TBC1D32: variants seen among roughly 807,000 people sequenced by gnomAD.
The protein encoded by TBC1D32 is protein broad-minded.
A neutral mutation model predicts 170.3 loss-of-function variants in TBC1D32; 151 were observed. The observed-to-expected ratio is 0.89, with a 90% CI of 0.78 to 1.01. The LOEUF (loss-of-function observed/expected upper bound fraction) is 1.01. TBC1D32 is among the 50% of genes least tolerant of loss of function. The pLI is 0.00. For synonymous variants in TBC1D32, 498 were observed against 488.0 expected (o/e 1.02, Z -0.27); for missense variants, 1,464 against 1,457.1 (o/e 1.00, Z -0.08).
chr6:121,296,221 C>T (rs1805619749), intron 10 of TBC1D32, among the ~76,000 whole-genome samples: 1 of 152,132 alleles, frequency 6.6e-6, no homozygotes, highest in South Asian at 2.1e-4. Context: ...CCATACTTCA[C>T]TCAATGAACT....
chr6:121,248,576 A>C (rs1244743158), intron 17 of TBC1D32, among the ~76,000 whole-genome samples: 3 of 152,044 alleles, frequency 2.0e-5, no homozygotes, highest in Non-Finnish European at 4.4e-5. Flanking sequence ...ATTAACCAAG[A>C]AAAAAGCAGA....
intron 24 of TBC1D32, among the ~76,000 whole-genome samples, chr6:121,142,967 T>C (rs1782986369): frequency 6.6e-6 from 1 of 152,184 alleles, no homozygotes; most frequent in South Asian, 2.1e-4. Context: ...ATAGTATGAC[T>C]ATTCTTTTCC....
chr6:121,316,708 CCAATGTA>C (rs371161946), intron 3 of TBC1D32, among the ~76,000 whole-genome samples: 26 of 152,282 alleles, frequency 1.7e-4, no homozygotes, highest in African/African-American at 6.0e-4. Context: ...CCCAACTTGA[CCAATGTA>C]CATATTTGTT....
At chr6:121,111,876 A>C (rs1033115370) in intron 29 of TBC1D32, among the ~76,000 whole-genome samples, 1 of 152,138 alleles carries the variant, frequency 6.6e-6, no homozygotes. Context: ...AGGTTTGAGA[A>C]ACATTAGCAT....
At chr6:121,236,271 A>G (rs1231115715) in intron 20 of TBC1D32, among the ~76,000 whole-genome samples, 1 of 152,012 alleles carries the variant, frequency 6.6e-6, no homozygotes, top group Non-Finnish European at 1.5e-5. Flanking sequence ...ACAATATGGT[A>G]ACCACTAGCT....
At chr6:121,282,811 C>A (rs1390432478) in intron 13 of TBC1D32, among the ~76,000 whole-genome samples, 1 of 151,716 alleles carries the variant, frequency 6.6e-6, no homozygotes, top group African/African-American at 2.4e-5. Flanking sequence ...TGATTTTAAT[C>A]ATAAAAGATG....
intron 24 of TBC1D32, among the ~76,000 whole-genome samples, chr6:121,138,156 C>T (rs188915972): frequency 2.0e-5 from 3 of 152,224 alleles, no homozygotes; most frequent in Non-Finnish European, 4.4e-5. Context: ...AGAATTTATA[C>T]ATCATTCCAT....
chr6:121,296,128 C>T (rs953488274), intron 10 of TBC1D32, among the ~76,000 whole-genome samples: 6 of 152,090 alleles, frequency 3.9e-5, no homozygotes, highest in African/African-American at 1.4e-4. Context: ...TAAGTTGCCA[C>T]AATTCAATGC....
intron 17 of TBC1D32, among the ~76,000 whole-genome samples, chr6:121,243,043 T>C (rs1233337568): frequency 6.6e-6 from 1 of 151,738 alleles, no homozygotes; most frequent in Non-Finnish European, 1.5e-5. Context: ...AACCACTTTT[T>C]AAAAAATGGA....
intron 24 of TBC1D32, among the ~76,000 whole-genome samples, chr6:121,136,327 G>A (rs2128221637): frequency 6.6e-6 from 1 of 152,282 alleles, no homozygotes; most frequent in South Asian, 2.1e-4. Flanking sequence ...TGTATCCTAT[G>A]TAATTCTATT....
intron 24 of TBC1D32, among the ~76,000 whole-genome samples, chr6:121,140,616 C>T (rs1782670274): frequency 6.6e-6 from 1 of 151,852 alleles, no homozygotes; most frequent in African/African-American, 2.4e-5. Flanking sequence ...AGAAGGTAGT[C>T]AAGTAAGATA....
chr6:121,194,460 T>A (rs1161017783), intron 22 of TBC1D32, among the ~76,000 whole-genome samples: 2 of 152,228 alleles, frequency 1.3e-5, no homozygotes, highest in Non-Finnish European at 2.9e-5. Flanking sequence ...ATTCCCACCA[T>A]ATCCCCATTC....
At chr6:121,328,422 A>G (rs1359951356) in intron 1 of TBC1D32, among the ~76,000 whole-genome samples, 1 of 150,436 alleles carries the variant, frequency 6.6e-6, no homozygotes, top group Non-Finnish European at 1.5e-5. Context: ...AGTAGCGACG[A>G]CTACAGATGC....
intron 24 of TBC1D32, among the ~76,000 whole-genome samples, chr6:121,135,252 T>C (rs940928318): frequency 2.0e-5 from 3 of 152,120 alleles, no homozygotes; most frequent in Admixed American, 6.6e-5. Flanking sequence ...GTGAGTGTAA[T>C]ATGAAAAATA....
intron 31 of TBC1D32, among the ~76,000 whole-genome samples, chr6:121,090,326 C>T (rs1776674350): frequency 6.6e-6 from 1 of 152,102 alleles, no homozygotes. Flanking sequence ...TTCTAAAGTC[C>T]CCAACTTCCA....
chr6:121,323,490 A>G (rs1035231618), intron 1 of TBC1D32, among the ~76,000 whole-genome samples: 2 of 152,234 alleles, frequency 1.3e-5, no homozygotes, highest in African/African-American at 4.8e-5. Context: ...ATTTATAACA[A>G]TTGGCTGCCT....
At chr6:121,270,988 T>C (rs528515572) in intron 15 of TBC1D32, among the ~76,000 whole-genome samples, 1 of 152,288 alleles carries the variant, frequency 6.6e-6, no homozygotes, top group East Asian at 1.9e-4. Context: ...ATCCCTCATA[T>C]AAACAGAACC....
At position 121,192,053 on chromosome 6, in the gene TBC1D32, A is replaced by ATATATATAT. The variant is rs1158179800; in HGVS notation, c.2570+13021_2570+13022insATATATATA. Among the ~76,000 whole-genome samples, 15 of 59,662 alleles carry ATATATATAT rather than the reference A, an allele frequency of 2.5e-4. No homozygotes were observed. The Admixed American group carries it at 3.4e-3, about 14-fold the overall frequency. The allele number at this position is 59,662 out of a possible 152,430, so 39.1% of individuals were successfully genotyped here. On this transcript the variant is annotated intron_variant, in intron 22 of 31. Transcript: ENST00000398212. ...CTTGTGATCATGTAAGTTAATACTT[A>ATATATATAT]ATAAACTACCCTTTATATATATATA...
At chr6:121,334,033 T>C (rs1262804837) in intron 1 of TBC1D32, among the ~76,000 whole-genome samples, 1 of 152,046 alleles carries the variant, frequency 6.6e-6, no homozygotes, top group Non-Finnish European at 1.5e-5. Context: ...AGCCATTACA[T>C]TCCGGCCTGG....
Sources: allele counts gnomAD v4.1 joint callset (sites outside exome capture counted in the v4.1 genomes callset), GRCh38; gene constraint gnomAD v4.1.1; transcripts MANE v1.5; gene names NCBI Gene and HGNC (gene_info 2026-07-23, HGNC 2026-07-21).